The following ECT2L variants were observed in gnomAD, a reference collection of about 807,000 sequenced individuals.
ECT2L encodes the protein epithelial cell-transforming sequence 2 oncogene-like.
In ECT2L, 126 loss-of-function variants were observed where a neutral mutation model predicts 122.8. That is an observed-to-expected ratio of 1.03 (90% CI 0.89 to 1.19). The LOEUF (loss-of-function observed/expected upper bound fraction) is 1.19, where lower values mean the gene tolerates loss of function less well. Among genes scored for constraint, ECT2L ranks in the 50% most tolerant of loss-of-function variants. The probability of loss-of-function intolerance (pLI) is 0.00; values close to 1 mark genes in which losing one functional copy is unlikely to be tolerated. For missense variants in ECT2L, 1,012 were observed against 1,064.1 expected, an observed-to-expected ratio of 0.95 and a Z score of 0.68; for synonymous variants, 385 against 381.8, an observed-to-expected ratio of 1.01 and a Z score of -0.10.
chr6:138,830,199 C>T (rs534439652), intron 4 of ECT2L, among the ~76,000 whole-genome samples: 1 of 152,220 alleles, frequency 6.6e-6, no homozygotes, highest in South Asian at 2.1e-4. Flanking sequence ...ATCTAGAAAA[C>T]AAGGTATATT....
chr6:138,838,643 G>A, intron 5 of ECT2L, 129 bp downstream of exon 5: 1 of 863,990 alleles, frequency 1.2e-6, no homozygotes, highest in Non-Finnish European at 1.6e-6. Context: ...ACTTACCCTT[G>A]AGAGAAAAAA....
chr6:138,820,411 T>A (rs1483261291), intron 4 of ECT2L, among the ~76,000 whole-genome samples: 1 of 152,198 alleles, frequency 6.6e-6, no homozygotes, highest in Non-Finnish European at 1.5e-5. Flanking sequence ...AGAACTATTT[T>A]GGGACAAGCC....
At chr6:138,802,933 A>C (rs1040195732) in intron 1 of ECT2L, among the ~76,000 whole-genome samples, 6 of 151,960 alleles carry the variant, frequency 3.9e-5, no homozygotes, top group Non-Finnish European at 8.8e-5. Context: ...AAAATTAGCC[A>C]GGCATGGTGG....
At chr6:138,876,125 G>GA (rs546586706) in intron 13 of ECT2L, among the ~76,000 whole-genome samples, 3,214 of 131,640 alleles carry the variant, frequency 0.024, 38 homozygotes, top group Middle Eastern at 0.071. Context: ...TCAAGAAAAA[G>GA]AAAAAAAAAA....
At chr6:138,843,626 A>G (rs1347187895) in intron 6 of ECT2L, among the ~76,000 whole-genome samples, 7 of 151,652 alleles carry the variant, frequency 4.6e-5, no homozygotes, top group African/African-American at 1.7e-4. Flanking sequence ...GCATTTAAAA[A>G]GGGAGAAAGA....
At chr6:138,818,401 C>T (rs1392852671) in intron 4 of ECT2L, among the ~76,000 whole-genome samples, 3 of 152,112 alleles carry the variant, frequency 2.0e-5, no homozygotes, top group Non-Finnish European at 4.4e-5. Flanking sequence ...CACTTGAGGA[C>T]GTCTGTCTCA....
chr6:138,878,123 A>T (rs1446572554), intron 14 of ECT2L, among the ~76,000 whole-genome samples: 1 of 152,196 alleles, frequency 6.6e-6, no homozygotes, highest in African/African-American at 2.4e-5. Flanking sequence ...GACTTGAAGG[A>T]AAAACTATCT....
intron 20 of ECT2L, 93 bp from the exon 21 acceptor site, chr6:138,900,855 T>A: frequency 7.4e-7 from 1 of 1,356,520 alleles, no homozygotes; most frequent in Non-Finnish European, 1.0e-6. Flanking sequence ...GGTAAAAGCC[T>A]TGACTAGTGA....
chr6:138,797,361 A>G (rs1352609543), intron 1 of ECT2L, among the ~76,000 whole-genome samples: 1 of 152,222 alleles, frequency 6.6e-6, no homozygotes, highest in East Asian at 1.9e-4. Flanking sequence ...AAATAAAGGA[A>G]TCATTGCACA....
intron 4 of ECT2L, among the ~76,000 whole-genome samples, chr6:138,829,913 G>A (rs901092756): frequency 2.6e-5 from 4 of 151,924 alleles, no homozygotes; most frequent in Non-Finnish European, 4.4e-5. Flanking sequence ...TAGTAGAGAT[G>A]GGGTTTCACC....
At chr6:138,800,948 G>T (rs181896166) in intron 1 of ECT2L, among the ~76,000 whole-genome samples, 2 of 152,162 alleles carry the variant, frequency 1.3e-5, no homozygotes, top group Non-Finnish European at 2.9e-5. Flanking sequence ...TGCATTCTCC[G>T]CAGGGGAGGA....
At chr6:138,862,929 T>G (rs748077477) in intron 11 of ECT2L, among the ~76,000 whole-genome samples, 57 of 152,212 alleles carry the variant, frequency 3.7e-4, no homozygotes, top group Non-Finnish European at 7.9e-4. Context: ...TTGCACATAT[T>G]TGCCCCAAAT....
At chr6:138,870,630 A>AT (rs199549555) in intron 13 of ECT2L, among the ~76,000 whole-genome samples, 2,930 of 151,594 alleles carry the variant, frequency 0.019, 93 homozygotes, top group African/African-American at 0.067. Flanking sequence ...CTTAAGGGGA[A>AT]TTTTTTTTTG....
At chr6:138,828,706 C>T (rs902614932) in intron 4 of ECT2L, among the ~76,000 whole-genome samples, 12 of 152,084 alleles carry the variant, frequency 7.9e-5, no homozygotes, top group African/African-American at 2.7e-4. Context: ...CTTGCTTTCC[C>T]GAGGTAGAGT....
At chr6:138,813,934 C>G (rs2128373642) in intron 3 of ECT2L, among the ~76,000 whole-genome samples, 1 of 152,164 alleles carries the variant, frequency 6.6e-6, no homozygotes, top group African/African-American at 2.4e-5. Flanking sequence ...CTGAGCAAAG[C>G]TGGACCGAAA....
intron 10 of ECT2L, among the ~76,000 whole-genome samples, chr6:138,860,665 A>T (rs1481832416): frequency 1.3e-5 from 2 of 151,950 alleles, no homozygotes; most frequent in Non-Finnish European, 2.9e-5. Context: ...CTGTATGCTG[A>T]ATTAAATAAT....
chr6:138,881,081 A>G lies in ECT2L; in HGVS notation c.1790A>G (p.Lys597Arg). 1 of 1,614,182 alleles carries G rather than the reference A, an allele frequency of 6.2e-7. No homozygotes were observed. Among genetic ancestry groups the G allele is most frequent in the Non-Finnish European group, 8.5e-7 (1 of 1,180,020 alleles). The stretch of plus-strand genomic sequence containing the variant: ...AGAGATGTTTATGTCGCACCACTGA[A>G]AGCAGCATTGTCATCAAACAGAGCG... ...IVRDVYVAPLKAALSSNRAIL... is the reference protein window; with the variant it reads ...IVRDVYVAPLRAALSSNRAIL... Residue 597 changes from lysine (K) to arginine (R), a missense_variant, in exon 15 of 22, where the codon AAA becomes AGA. Physicochemically the swap from Lys to Arg is conservative, Grantham distance 26. Transcript: ENST00000541398.
intron 5 of ECT2L, among the ~76,000 whole-genome samples, chr6:138,842,431 A>C (rs1486897922): frequency 1.3e-5 from 2 of 151,932 alleles, no homozygotes; most frequent in African/African-American, 4.8e-5. Context: ...ACTGCACTCC[A>C]GCCTGGGCGA....
chr6:138,846,388 T>C, intron 7 of ECT2L, 151 bp from the exon 8 acceptor site: 1 of 579,350 alleles, frequency 1.7e-6, no homozygotes, highest in Non-Finnish European at 2.7e-6. Context: ...CTCCATTTAC[T>C]ACTGTCCTCA....
Sources: allele counts gnomAD v4.1 joint callset (sites outside exome capture counted in the v4.1 genomes callset), GRCh38; gene constraint gnomAD v4.1.1; transcripts MANE v1.5; gene names NCBI Gene and HGNC (gene_info 2026-07-23, HGNC 2026-07-21).